FUT9: variants seen among roughly 807,000 people sequenced by gnomAD.
The protein encoded by FUT9 is 4-galactosyl-N-acetylglucosaminide 3-alpha-L-fucosyltransferase 9.
A neutral mutation model predicts 29.7 loss-of-function variants in FUT9; 15 were observed. The ratio of observed to expected loss-of-function variants is 0.51; its 90% CI spans 0.34 to 0.78. The LOEUF (loss-of-function observed/expected upper bound fraction) is 0.78. Among genes scored for constraint, FUT9 ranks in the 30% least tolerant of loss-of-function variants. The pLI, the probability that FUT9 is intolerant of heterozygous loss-of-function variation, is 0.01. For synonymous variants in FUT9, 169 were observed against 153.7 expected, an observed-to-expected ratio of 1.10 and a Z score of -0.74; for missense variants, 319 against 425.4, an observed-to-expected ratio of 0.75 and a Z score of 2.20.
chr6:96,187,683 C>G (rs1419310728), intron 2 of FUT9, among the ~76,000 whole-genome samples: 1 of 152,022 alleles, frequency 6.6e-6, no homozygotes, highest in Non-Finnish European at 1.5e-5. Flanking sequence ...TAAAAATATA[C>G]AGGGAGGGAA....
intron 1 of FUT9, among the ~76,000 whole-genome samples, chr6:96,069,020 T>G (rs1439365341): frequency 6.6e-6 from 1 of 152,150 alleles, no homozygotes; most frequent in East Asian, 1.9e-4. Context: ...TAAAATATGA[T>G]AGTTAAGAAT....
intron 2 of FUT9, among the ~76,000 whole-genome samples, chr6:96,152,887 A>C (rs1216832353): frequency 6.6e-6 from 1 of 152,200 alleles, no homozygotes; most frequent in Admixed American, 6.5e-5. Context: ...ATAACATAAA[A>C]AGCGTTTGCA....
chr6:96,140,798 T>A (rs934974080), intron 2 of FUT9, among the ~76,000 whole-genome samples: 6 of 152,182 alleles, frequency 3.9e-5, no homozygotes, highest in African/African-American at 1.4e-4. Flanking sequence ...ATCCCCCTCA[T>A]GACATGCTGA....
intron 2 of FUT9, among the ~76,000 whole-genome samples, chr6:96,202,737 G>A (rs1039426443): frequency 1.3e-5 from 2 of 152,082 alleles, no homozygotes; most frequent in African/African-American, 4.8e-5. Context: ...GTCTCAATAT[G>A]CGAGTAAATA....
intron 1 of FUT9, among the ~76,000 whole-genome samples, chr6:96,106,951 C>T (rs1771699588): frequency 6.6e-6 from 1 of 152,208 alleles, no homozygotes; most frequent in Non-Finnish European, 1.5e-5. Flanking sequence ...AACTACAGCA[C>T]TTTATGTATG....
intron 2 of FUT9, among the ~76,000 whole-genome samples, chr6:96,128,935 C>T (rs1014618915): frequency 6.6e-6 from 1 of 151,672 alleles, no homozygotes; most frequent in Non-Finnish European, 1.5e-5. Context: ...GATCAGCCTG[C>T]GCAACATGGT....
At chr6:96,061,698 A>G (rs1022105965) in intron 1 of FUT9, among the ~76,000 whole-genome samples, 2 of 152,170 alleles carry the variant, frequency 1.3e-5, no homozygotes, top group African/African-American at 4.8e-5. Context: ...TAAGCCTTGT[A>G]AGTCCTGTTC....
At position 96,205,069 on chromosome 6, in the gene FUT9, TATAA is replaced by T. The variant is rs1160875743; in HGVS notation, c.*838_*841del. ...TCAAATAACAAAGAAAAATGATACC[TATAA>T]ATATATTTATAAATGGTGTCATTTA... On this transcript the variant is annotated 3_prime_UTR_variant, in exon 3 of 3. Transcript: ENST00000302103. 6.0e-6 allele frequency: 1 copy of T among 166,800 alleles called. No homozygotes were observed. The highest frequency in any genetic ancestry group is 2.4e-5 in the African/African-American group (1 of 41,458). 10.3% of individuals were successfully genotyped at this position (166,800 alleles called of 1,614,324 possible).
intron 1 of FUT9, among the ~76,000 whole-genome samples, chr6:96,043,975 C>T (rs1276283128): frequency 2.6e-5 from 4 of 152,110 alleles, no homozygotes; most frequent in Admixed American, 6.5e-5. Context: ...TTTTGTTGGC[C>T]TTAGCATCAC....
At chr6:96,083,884 TGACTATTTCTTGAGTGTCTTCCA>T (rs1304043953) in intron 1 of FUT9, among the ~76,000 whole-genome samples, 11 of 152,130 alleles carry the variant, frequency 7.2e-5, no homozygotes, top group Non-Finnish European at 1.5e-4. Context: ...CTATTCTTGA[TGACTATTTCTTGAGTGTCTTCCA>T]GACTATTTCT....
At chr6:96,116,228 G>T (rs772139338) in intron 2 of FUT9, among the ~76,000 whole-genome samples, 5 of 152,088 alleles carry the variant, frequency 3.3e-5, no homozygotes, top group Non-Finnish European at 5.9e-5. Context: ...TAAGATGCCA[G>T]AACATACCTG....
At chr6:96,052,387 C>A (rs142100315) in intron 1 of FUT9, among the ~76,000 whole-genome samples, 47 of 152,270 alleles carry the variant, frequency 3.1e-4, no homozygotes, top group African/African-American at 1.1e-3. Context: ...GTCACTCTTT[C>A]TTTCCATGAT....
intron 1 of FUT9, among the ~76,000 whole-genome samples, chr6:96,036,101 TTAA>T (rs1217202265): frequency 6.9e-6 from 1 of 144,088 alleles, no homozygotes; most frequent in African/African-American, 2.5e-5. Context: ...AATATAATAT[TTAA>T]TAATAATATT....
intron 2 of FUT9, among the ~76,000 whole-genome samples, chr6:96,153,894 G>A (rs1242222090): frequency 2.6e-5 from 4 of 152,326 alleles, no homozygotes; most frequent in African/African-American, 9.6e-5. Flanking sequence ...ATGGCCAGCA[G>A]CCAATCTCAA....
At chr6:96,097,507 T>C (rs1385746438) in intron 1 of FUT9, among the ~76,000 whole-genome samples, 1 of 152,052 alleles carries the variant, frequency 6.6e-6, no homozygotes, top group East Asian at 1.9e-4. Flanking sequence ...GTGAATGAAT[T>C]CATGAGTAAA....
At chr6:96,047,867 C>A (rs781321710) in intron 1 of FUT9, among the ~76,000 whole-genome samples, 1 of 152,072 alleles carries the variant, frequency 6.6e-6, no homozygotes, top group Non-Finnish European at 1.5e-5. Flanking sequence ...TAACAAATTG[C>A]CAGAAACTTG....
At chr6:96,104,149 C>T (rs1290421744) in intron 1 of FUT9, among the ~76,000 whole-genome samples, 1 of 151,948 alleles carries the variant, frequency 6.6e-6, no homozygotes, top group Non-Finnish European at 1.5e-5. Context: ...AAGAGCATTC[C>T]TAGTAACTGC....
At chr6:96,051,673 T>G (rs971242779) in intron 1 of FUT9, among the ~76,000 whole-genome samples, 1 of 151,770 alleles carries the variant, frequency 6.6e-6, no homozygotes, top group African/African-American at 2.4e-5. Context: ...TAGTAATAAA[T>G]AAAACTATAA....
chr6:96,178,234 CA>C (rs1255333931), intron 2 of FUT9, among the ~76,000 whole-genome samples: 1 of 152,136 alleles, frequency 6.6e-6, no homozygotes, highest in Non-Finnish European at 1.5e-5. Context: ...TTTGAATTTA[CA>C]TTTGTTTAAG....
Sources: allele counts gnomAD v4.1 joint callset (sites outside exome capture counted in the v4.1 genomes callset), GRCh38; gene constraint gnomAD v4.1.1; transcripts MANE v1.5; gene names NCBI Gene and HGNC (gene_info 2026-07-23, HGNC 2026-07-21).